RGS6: variants seen among roughly 807,000 people sequenced by gnomAD.
RGS6 encodes regulator of G-protein signaling 6.
A neutral mutation model predicts 78.5 loss-of-function variants in RGS6; 30 were observed. The ratio of observed to expected loss-of-function variants is 0.38; its 90% CI spans 0.29 to 0.52. RGS6 has a LOEUF of 0.52. Ranked by LOEUF, RGS6 falls within the 20% of genes least tolerant of loss-of-function variation. The pLI, the probability that RGS6 is intolerant of heterozygous loss-of-function variation, is 0.85. For missense variants in RGS6, 495 were observed against 609.7 expected, an observed-to-expected ratio of 0.81 and a Z score of 1.98; for synonymous variants, 206 against 206.0, an observed-to-expected ratio of 1.00 and a Z score of 0.00.
intron 2 of RGS6, among the ~76,000 whole-genome samples, chr14:72,024,635 G>T (rs779516818): frequency 6.6e-6 from 1 of 152,152 alleles, no homozygotes; most frequent in Non-Finnish European, 1.5e-5. Flanking sequence ...ATAGGTTTCT[G>T]TGGTCGAAAT....
intron 3 of RGS6, among the ~76,000 whole-genome samples, chr14:72,440,704 C>T (rs755415549): frequency 5.9e-5 from 9 of 152,124 alleles, no homozygotes; most frequent in Non-Finnish European, 7.4e-5. Flanking sequence ...TGAACCACCG[C>T]GCCTGGTGAG....
At position 71,996,563 on chromosome 14, in the gene RGS6, A is replaced by G. The variant is rs113204900; in HGVS notation, c.84+31688A>G. Among the ~76,000 whole-genome samples, 401 of 152,290 alleles carry G rather than the reference A, an allele frequency of 2.6e-3. 1 individual carries two copies. The highest frequency in any genetic ancestry group is 9.2e-3 in the African/African-American group (381 of 41,572). On this transcript the variant is annotated intron_variant, in intron 2 of 17. Transcript: ENST00000553525. ...TGGGACTGGGGGCAACTGGGGGATC[A>G]TCAGACTTGTCATTATTGATCTAAT...
the RGS6 span, among the ~76,000 whole-genome samples, chr14:72,609,698 G>C: frequency 6.6e-6 from 1 of 152,226 alleles, no homozygotes; most frequent in African/African-American, 2.4e-5. Context: ...AGTGAAGGAG[G>C]AGGACAGCTA....
chr14:72,182,416 CAA>C (rs34656799), intron 2 of RGS6, among the ~76,000 whole-genome samples: 39,584 of 106,418 alleles, frequency 0.37, 5,398 homozygotes, highest in East Asian at 0.45. Flanking sequence ...GACTCCATCT[CAA>C]AAAAAAAAAA....
chr14:71,950,915 T>C (rs1352503656), intron 1 of RGS6, among the ~76,000 whole-genome samples: 1 of 152,130 alleles, frequency 6.6e-6, no homozygotes. Flanking sequence ...AACAACATGC[T>C]GGCGAGGCTG....
At chr14:72,397,079 G>A (rs900064803) in intron 3 of RGS6, among the ~76,000 whole-genome samples, 10 of 152,168 alleles carry the variant, frequency 6.6e-5, no homozygotes, top group African/African-American at 1.4e-4. Flanking sequence ...CCAATTCTGT[G>A]AAGAAAGTCA....
At chr14:72,456,439 A>G (rs904442447) in intron 4 of RGS6, among the ~76,000 whole-genome samples, 4 of 152,156 alleles carry the variant, frequency 2.6e-5, no homozygotes, top group Non-Finnish European at 5.9e-5. Context: ...ATAGGCTCCT[A>G]GCACCACATC....
chr14:71,986,399 A>G (rs1289606740), intron 2 of RGS6, among the ~76,000 whole-genome samples: 1 of 152,182 alleles, frequency 6.6e-6, no homozygotes, highest in Non-Finnish European at 1.5e-5. Flanking sequence ...ACAAATTGCC[A>G]CAAATGTAAT....
chr14:72,117,066 T>C (rs762494776), intron 2 of RGS6, among the ~76,000 whole-genome samples: 1 of 151,676 alleles, frequency 6.6e-6, no homozygotes, highest in Non-Finnish European at 1.5e-5. Context: ...GGGCCTTTGA[T>C]TTGACATGCA....
At chr14:72,539,573 G>A (rs374905882) in intron 16 of RGS6, among the ~76,000 whole-genome samples, 1 of 152,180 alleles carries the variant, frequency 6.6e-6, no homozygotes, top group Non-Finnish European at 1.5e-5. Flanking sequence ...CCTTCCTGAC[G>A]TCCCTCCCAC....
intron 13 of RGS6, among the ~76,000 whole-genome samples, chr14:72,509,116 G>C (rs2096847155): frequency 6.6e-6 from 1 of 152,146 alleles, no homozygotes; most frequent in Non-Finnish European, 1.5e-5. Flanking sequence ...TGTAATCCCA[G>C]CACTTTGGGA....
Position 72,527,818 on chromosome 14 carries a change from A to G in RGS6, c.1279-8368A>G, listed in dbSNP as rs189657378. On this transcript the variant is annotated intron_variant, in intron 15 of 17. Transcript: ENST00000553525. The stretch of plus-strand genomic sequence containing the variant: ...GTCCACACAGCCTCATTTTCCTTCA[A>G]GAGACTACATGGGACCCAAAAGCTC... Among the ~76,000 whole-genome samples the G allele has an allele frequency of 6.1e-4, 93 of 152,272 alleles. 2 individuals carry two copies. Among genetic ancestry groups the G allele is most frequent in the Admixed American group, 4.9e-3 (75 of 15,294 alleles).
intron 2 of RGS6, among the ~76,000 whole-genome samples, chr14:72,039,937 A>C (rs964989973): frequency 2.6e-5 from 4 of 151,470 alleles, no homozygotes; most frequent in Non-Finnish European, 4.4e-5. Context: ...TAGTTGTAAC[A>C]ATCTATTTTA....
chr14:72,337,308 G>A (rs2076213545), intron 2 of RGS6, among the ~76,000 whole-genome samples: 1 of 145,576 alleles, frequency 6.9e-6, no homozygotes, highest in Non-Finnish European at 1.5e-5. Flanking sequence ...TCTTAAGTCA[G>A]GGGTAAACTT....
At chr14:72,195,612 G>T (rs1387896101) in intron 2 of RGS6, among the ~76,000 whole-genome samples, 1 of 152,212 alleles carries the variant, frequency 6.6e-6, no homozygotes, top group African/African-American at 2.4e-5. Context: ...GAGCTGAAGA[G>T]GTAGAAAGCA....
intron 2 of RGS6, among the ~76,000 whole-genome samples, chr14:72,138,204 G>T (rs1403981899): frequency 6.6e-6 from 1 of 152,130 alleles, no homozygotes; most frequent in Non-Finnish European, 1.5e-5. Context: ...AGGGCCTACT[G>T]GATACTGTGA....
At chr14:72,339,963 C>G (rs2076683903) in intron 2 of RGS6, among the ~76,000 whole-genome samples, 1 of 152,122 alleles carries the variant, frequency 6.6e-6, no homozygotes, top group Admixed American at 6.5e-5. Context: ...TTGCGGCCCT[C>G]CTGGGGACTG....
intron 2 of RGS6, among the ~76,000 whole-genome samples, chr14:72,322,023 A>G (rs1329909200): frequency 6.6e-6 from 1 of 152,032 alleles, no homozygotes; most frequent in Non-Finnish European, 1.5e-5. Context: ...AAAATTAATG[A>G]TAATGATTAT....
intron 2 of RGS6, among the ~76,000 whole-genome samples, chr14:72,021,291 C>G (rs914009740): frequency 6.6e-6 from 1 of 152,152 alleles, no homozygotes; most frequent in Non-Finnish European, 1.5e-5. Flanking sequence ...ATTCCTGTGC[C>G]AGCCTCCTCA....
Sources: allele counts gnomAD v4.1 joint callset (sites outside exome capture counted in the v4.1 genomes callset), GRCh38; gene constraint gnomAD v4.1.1; transcripts MANE v1.5; gene names NCBI Gene and HGNC (gene_info 2026-07-23, HGNC 2026-07-21).